PCDHGA1: variants seen among roughly 807,000 people sequenced by gnomAD.
PCDHGA1 encodes the protein protocadherin gamma-A1.
A neutral mutation model predicts 58.0 loss-of-function variants in PCDHGA1; 32 were observed. That is an observed-to-expected ratio of 0.55 (90% CI 0.42 to 0.74). The LOEUF is 0.74. PCDHGA1 is among the 30% of genes least tolerant of loss of function. The pLI is 0.00. For synonymous variants in PCDHGA1, 498 were observed against 501.1 expected (o/e 0.99, Z 0.08); for missense variants, 1,205 against 1,182.3 (o/e 1.02, Z -0.28).
At chr5:141,377,786 A>G (rs1774350895) in intron 1 of PCDHGA1, 1 of 152,178 alleles carries the variant, frequency 6.6e-6, no homozygotes, top group African/African-American at 2.4e-5. Flanking sequence ...GACCTGAATA[A>G]CATTCCTGTA....
At chr5:141,465,922 T>A (rs7704812) in intron 1 of PCDHGA1, among the ~76,000 whole-genome samples, 42,795 of 151,826 alleles carry the variant, frequency 0.28, 6,697 homozygotes, top group African/African-American at 0.42. Flanking sequence ...GGATTTCGAG[T>A]CCATCCTGGC....
Position 141,486,859 on chromosome 5 carries a change from T to C in PCDHGA1, c.2422-7948T>C, listed in dbSNP as rs1231188225. ...TTGTGCTGGACCTCAATGACAATGC[T>C]CCAGCTGTGCTCCGTCCTCGGGCCC... On this transcript the variant is annotated intron_variant, in intron 1 of 3. Transcript: ENST00000517417. The surrounding 1 kb of genome is among the most constrained non-coding windows in gnomAD (Gnocchi z 5.0). The C allele has an allele frequency of 1.9e-6, 3 of 1,614,242 alleles. No individual in the cohort carries two copies. The highest frequency in any genetic ancestry group is 2.7e-5 in the African/African-American group (2 of 75,072).
chr5:141,331,883 ATTAT>A lies in PCDHGA1; in HGVS notation c.1201_1204del (p.Tyr401ThrfsTer3), dbSNP rs763531498. On this transcript the variant is annotated frameshift_variant, in exon 1 of 4. Coordinates refer to ENST00000517417, the MANE Select transcript of PCDHGA1 (RefSeq NM_018912.3). LOFTEE classifies it high-confidence loss of function. ...TTTAAATTGGAAAAGTTAGTTGATA[ATTAT>A]TACCGTTTAGTGACTGAAAGAACAC... 2 of 1,614,174 alleles carry A rather than the reference ATTAT, an allele frequency of 1.2e-6. No homozygotes were observed. Among genetic ancestry groups the A allele is most frequent in the Middle Eastern group, 3.3e-4 (2 of 6,062 alleles).
chr5:141,439,410 A>T (rs2098110832), intron 1 of PCDHGA1, among the ~76,000 whole-genome samples: 1 of 152,220 alleles, frequency 6.6e-6, no homozygotes, highest in African/African-American at 2.4e-5. Context: ...TGCTAACATC[A>T]CTGAGGTTAT....
Position 141,477,044 on chromosome 5 carries a change from C to T in PCDHGA1, c.2422-17763C>T, listed in dbSNP as rs750525889. ...CGGGATGCTGACAATCAAGGGTCGG[C>T]TGGACTTCGAGGACACCAAACTCCA... On this transcript the variant is annotated intron_variant, in intron 1 of 3. Coordinates refer to ENST00000517417, the MANE Select transcript of PCDHGA1 (RefSeq NM_018912.3). The surrounding 1 kb of genome is among the most constrained non-coding windows in gnomAD (Gnocchi z 4.9). 6.2e-7 allele frequency: 1 copy of T among 1,614,246 alleles called. No individual in the cohort carries two copies. Among genetic ancestry groups the T allele is most frequent in the Non-Finnish European group, 8.5e-7 (1 of 1,180,034 alleles).
At chr5:141,453,871 A>T (rs561367146) in intron 1 of PCDHGA1, among the ~76,000 whole-genome samples, 8 of 152,364 alleles carry the variant, frequency 5.3e-5, no homozygotes, top group African/African-American at 1.9e-4. Flanking sequence ...ACAGATGAGC[A>T]AAATAATGTG....
chr5:141,468,677 T>A (rs545029270), intron 1 of PCDHGA1: 1 of 150,902 alleles, frequency 6.6e-6, no homozygotes, highest in African/African-American at 2.4e-5. Flanking sequence ...CCATCCTGGC[T>A]AACACGGTGA....
In PCDHGA1 at chr5:141,341,077, C is replaced by G. The variant is rs768909381; in HGVS notation, c.2421+7972C>G. The G allele has an allele frequency of 4.7e-5, 76 of 1,614,196 alleles. No individual in the cohort carries two copies. In the South Asian group the frequency reaches 7.9e-4, roughly 17 times the overall value. On this transcript the variant is annotated intron_variant, in intron 1 of 3. Transcript: ENST00000517417. ...TGGTGGCGGTGGCCGCGGTCTCCTG[C>G]GTCTTCCTGGCCTTCGTCATCGTGT... is the stretch of plus-strand genomic sequence containing the variant.
chr5:141,338,381 C>T (rs1025741845), intron 1 of PCDHGA1, among the ~76,000 whole-genome samples: 1 of 152,106 alleles, frequency 6.6e-6, no homozygotes, highest in Non-Finnish European at 1.5e-5. Context: ...AAATATATAA[C>T]CTTAGAAGAA....
intron 1 of PCDHGA1, among the ~76,000 whole-genome samples, chr5:141,446,545 C>T (rs903831454): frequency 4.6e-5 from 7 of 151,914 alleles, no homozygotes; most frequent in African/African-American, 1.7e-4. Context: ...GGCCCTATCT[C>T]TGCTCACTGC....
chr5:141,446,800 G>C (rs1332771959), intron 1 of PCDHGA1, among the ~76,000 whole-genome samples: 1 of 152,150 alleles, frequency 6.6e-6, no homozygotes, highest in African/African-American at 2.4e-5. Flanking sequence ...TTCTTCCATT[G>C]TGATCATCTA....
chr5:141,376,730 A>T (rs1773298181), intron 1 of PCDHGA1: 1 of 526,912 alleles, frequency 1.9e-6, no homozygotes, highest in Admixed American at 4.2e-5. Flanking sequence ...CCCAGGCCGG[A>T]CTGCGGACTG....
chr5:141,384,829 G>A (rs1243050988), intron 1 of PCDHGA1: 5 of 1,613,524 alleles, frequency 3.1e-6, no homozygotes, highest in Non-Finnish European at 4.2e-6. Flanking sequence ...GAGCCTCGTG[G>A]TGGCCGTCCA....
chr5:141,351,278 G>A (rs1213887165), intron 1 of PCDHGA1: 1 of 1,613,824 alleles, frequency 6.2e-7, no homozygotes, highest in Admixed American at 1.7e-5. Context: ...GAATGACAAT[G>A]CCCCAGAGGT....
At chr5:141,400,456 T>C (rs1439726103) in intron 1 of PCDHGA1, 2 of 1,614,090 alleles carry the variant, frequency 1.2e-6, no homozygotes, top group Non-Finnish European at 1.7e-6. Flanking sequence ...AGACATACTT[T>C]GTGGTGATTC....
At position 141,511,247 on chromosome 5, in the gene PCDHGA1, C is replaced by A; in HGVS notation, c.*74C>A. The A allele has an allele frequency of 1.3e-6, 2 of 1,577,162 alleles. No individual in the cohort carries two copies. The highest frequency in any genetic ancestry group is 1.7e-6 in the Non-Finnish European group (2 of 1,161,712). On this transcript the variant is annotated 3_prime_UTR_variant, in exon 4 of 4. Transcript: ENST00000517417. Reference sequence around the variant, plus strand: ...CAGCTTCTCCTTACCTGCACCCAGGCCTCAGAGTTTCAGGGCTAACCCCCA... The same window carrying A: ...CAGCTTCTCCTTACCTGCACCCAGGACTCAGAGTTTCAGGGCTAACCCCCA...
At chr5:141,408,188 G>A in intron 1 of PCDHGA1, 6 of 1,543,620 alleles carry the variant, frequency 3.9e-6, no homozygotes, top group Non-Finnish European at 4.4e-6. Flanking sequence ...GACCCAGCGA[G>A]AACCCGAGCG....
At chr5:141,450,957 T>G (rs2154563418) in intron 1 of PCDHGA1, among the ~76,000 whole-genome samples, 1 of 152,010 alleles carries the variant, frequency 6.6e-6, no homozygotes, top group Non-Finnish European at 1.5e-5. Context: ...CCCAAGTAGC[T>G]GGGATTACAG....
chr5:141,475,128 C>T (rs775275292), intron 1 of PCDHGA1, among the ~76,000 whole-genome samples: 3 of 151,894 alleles, frequency 2.0e-5, no homozygotes, highest in Non-Finnish European at 4.4e-5. Context: ...GGCTTTTTTT[C>T]TTTTTGAAAT....
Sources: gnomAD v4.1 joint callset for allele counts (sites outside exome capture counted in the v4.1 genomes callset) on GRCh38, gnomAD v4.1.1 for gene constraint, Gnocchi (gnomAD v3.1) non-coding constraint, MANE v1.5 for transcripts, NCBI Gene and HGNC (gene_info 2026-07-23, HGNC 2026-07-21) for gene names.